ARHGAP18: variants seen among roughly 807,000 people sequenced by gnomAD.
The protein encoded by ARHGAP18 is Rho GTPase activating protein 18.
A neutral mutation model predicts 86.2 loss-of-function variants in ARHGAP18; 67 were observed. That is an observed-to-expected ratio of 0.78 (90% CI 0.64 to 0.95). The LOEUF is 0.95. ARHGAP18 is among the 40% of genes least tolerant of loss of function. The pLI is 0.00. For synonymous variants in ARHGAP18, 283 were observed against 280.4 expected, an observed-to-expected ratio of 1.01 and a Z score of -0.09; for missense variants, 691 against 780.4, an observed-to-expected ratio of 0.89 and a Z score of 1.37.
At chr6:129,683,071 T>G (rs1774352563) in intron 1 of ARHGAP18, among the ~76,000 whole-genome samples, 1 of 150,352 alleles carries the variant, frequency 6.7e-6, no homozygotes, top group Non-Finnish European at 1.5e-5. Context: ...TTTTTTTTGT[T>G]TTTTTTTTTG....
chr6:129,593,440 G>T (rs1341019478), intron 12 of ARHGAP18, among the ~76,000 whole-genome samples: 6 of 152,096 alleles, frequency 3.9e-5, no homozygotes, highest in Admixed American at 3.3e-4. Flanking sequence ...CAGCCTGGGT[G>T]AAAAAGCAAG....
Position 129,630,910 on chromosome 6 carries a change from A to G in ARHGAP18, c.617-1388T>C, listed in dbSNP as rs948860970. 3.9e-5 allele frequency among the ~76,000 whole-genome samples: 6 copies of G among 152,212 alleles called. No homozygotes were observed. In the South Asian group the frequency reaches 6.2e-4, roughly 16 times the overall value. ...AGAAAGTAAGAATTTACCTGTGCCA[A>G]TTCCAAAACTAAGAATACATTTAAA... On this transcript the variant is annotated intron_variant, in intron 4 of 14. Transcript: ENST00000368149.
At chr6:129,688,824 C>T (rs949128714) in intron 1 of ARHGAP18, among the ~76,000 whole-genome samples, 1 of 151,908 alleles carries the variant, frequency 6.6e-6, no homozygotes, top group African/African-American at 2.4e-5. Flanking sequence ...TCATTGGTAG[C>T]TACTACACTG....
intron 1 of ARHGAP18, among the ~76,000 whole-genome samples, chr6:129,680,830 C>T (rs1370725705): frequency 3.3e-5 from 5 of 152,200 alleles, no homozygotes; most frequent in African/African-American, 1.2e-4. Context: ...ATATGGATAA[C>T]CCAGAGAGTA....
intron 1 of ARHGAP18, among the ~76,000 whole-genome samples, chr6:129,687,654 A>T (rs980939695): frequency 2.0e-5 from 3 of 152,214 alleles, no homozygotes; most frequent in Non-Finnish European, 4.4e-5. Flanking sequence ...CCCACACCTT[A>T]ACCTGTGTTG....
intron 1 of ARHGAP18, among the ~76,000 whole-genome samples, chr6:129,693,461 G>T (rs950244490): frequency 6.6e-6 from 1 of 152,078 alleles, no homozygotes; most frequent in Non-Finnish European, 1.5e-5. Context: ...AGAGAAGAAG[G>T]CCCCAGCCTA....
At chr6:129,663,592 A>C (rs1773991690) in intron 1 of ARHGAP18, among the ~76,000 whole-genome samples, 1 of 152,234 alleles carries the variant, frequency 6.6e-6, no homozygotes, top group Non-Finnish European at 1.5e-5. Flanking sequence ...CCCAGTCAGG[A>C]AACAGCATAA....
At chr6:129,695,066 G>A (rs550701266) in intron 1 of ARHGAP18, among the ~76,000 whole-genome samples, 22 of 151,876 alleles carry the variant, frequency 1.4e-4, no homozygotes, top group Non-Finnish European at 2.8e-4. Flanking sequence ...CATATAAAGC[G>A]ACAGCCATGT....
intron 1 of ARHGAP18, among the ~76,000 whole-genome samples, chr6:129,673,510 C>T (rs11154490): frequency 0.29 from 44,750 of 151,984 alleles, 6,719 homozygotes; most frequent in Middle Eastern, 0.35. Flanking sequence ...TCTAAGTGTG[C>T]CTGCATGCCT....
intron 3 of ARHGAP18, 95 bp downstream of exon 3, chr6:129,638,299 A>T: frequency 8.1e-7 from 1 of 1,236,800 alleles, no homozygotes; most frequent in South Asian, 1.3e-5. Context: ...AGAATAGGTG[A>T]TCATTACGTT....
At chr6:129,650,278 G>T (rs948384475) in intron 1 of ARHGAP18, among the ~76,000 whole-genome samples, 1 of 151,900 alleles carries the variant, frequency 6.6e-6, no homozygotes, top group Non-Finnish European at 1.5e-5. Flanking sequence ...CCACCACCAG[G>T]TCTTGTAGAA....
chr6:129,628,489 T>C (rs1172952800), intron 5 of ARHGAP18, among the ~76,000 whole-genome samples: 1 of 152,216 alleles, frequency 6.6e-6, no homozygotes, highest in Non-Finnish European at 1.5e-5. Context: ...TTATTATTAA[T>C]TGCACATAGG....
intron 1 of ARHGAP18, among the ~76,000 whole-genome samples, chr6:129,705,877 A>T (rs1441511930): frequency 6.6e-6 from 1 of 152,152 alleles, no homozygotes; most frequent in Admixed American, 6.5e-5. Flanking sequence ...TGAATGAGAG[A>T]GCTGGGATAT....
rs138497112 is a variant in ARHGAP18, at chr6:129,702,555, G to A, written c.113+7469C>T. Among the ~76,000 whole-genome samples, 97 of 152,320 alleles carry A rather than the reference G, an allele frequency of 6.4e-4. 1 individual carries two copies. Among genetic ancestry groups the A allele is most frequent in the African/African-American group, 2.2e-3 (92 of 41,572 alleles). Reference sequence around the variant, plus strand: ...CAGCAGGGTTCAGGAGAGGATTGTTGTCATACCTGGTCTAGCAACCCCAAA... The same window carrying A: ...CAGCAGGGTTCAGGAGAGGATTGTTATCATACCTGGTCTAGCAACCCCAAA... On this transcript the variant is annotated intron_variant, in intron 1 of 14. Coordinates refer to ENST00000368149, the MANE Select transcript of ARHGAP18 (RefSeq NM_033515.3).
intron 5 of ARHGAP18, among the ~76,000 whole-genome samples, chr6:129,619,687 A>AG (rs1412943734): frequency 6.8e-6 from 1 of 147,228 alleles, no homozygotes; most frequent in Non-Finnish European, 1.5e-5. Context: ...GAAGACAAGT[A>AG]GGGGGGAGAG....
At position 129,599,172 on chromosome 6, in the gene ARHGAP18, A is replaced by T. The variant is rs769089837; in HGVS notation, c.1713+44T>A. The T allele has an allele frequency of 2.1e-5, 23 of 1,100,286 alleles. No individual in the cohort carries two copies. The East Asian group carries it at 5.6e-4, about 27-fold the overall frequency. 68.2% of individuals were successfully genotyped at this position (1,100,286 alleles called of 1,614,324 possible). ...AATAAAAAATTTTGGTATTAAAAAA[A>T]TACTTAAGATCTGAATAAATACATA... is the stretch of plus-strand genomic sequence containing the variant. On this transcript the variant is annotated intron_variant, in intron 12 of 14. Coordinates refer to ENST00000368149, the MANE Select transcript of ARHGAP18 (RefSeq NM_033515.3).
chr6:129,594,401 C>T (rs1190777399), intron 12 of ARHGAP18, among the ~76,000 whole-genome samples: 5 of 152,124 alleles, frequency 3.3e-5, no homozygotes, highest in Non-Finnish European at 7.4e-5. Context: ...TATTTCCTAG[C>T]CTCCTTCACC....
At chr6:129,625,620 A>T (rs1394860686) in intron 5 of ARHGAP18, among the ~76,000 whole-genome samples, 2 of 62,006 alleles carry the variant, frequency 3.2e-5, no homozygotes, top group Admixed American at 3.5e-4. Context: ...TTATATATTT[A>T]TATATTATAT....
At chr6:129,596,162 G>A (rs532126745) in intron 12 of ARHGAP18, among the ~76,000 whole-genome samples, 2 of 152,192 alleles carry the variant, frequency 1.3e-5, no homozygotes, top group South Asian at 4.1e-4. Context: ...ATTTCACTCA[G>A]AGTAAATCCA....
Sources: gnomAD v4.1 joint callset for allele counts (sites outside exome capture counted in the v4.1 genomes callset) on GRCh38, gnomAD v4.1.1 for gene constraint, MANE v1.5 for transcripts, NCBI Gene and HGNC (gene_info 2026-07-23, HGNC 2026-07-21) for gene names.